TREM2: variants seen among roughly 807,000 people sequenced by gnomAD.
TREM2 encodes triggering receptor expressed on myeloid cells 2.
TREM2 carries 20 observed loss-of-function variants against 22.9 expected under a neutral mutation model. That is an observed-to-expected ratio of 0.87 (90% confidence interval 0.61 to 1.27). The LOEUF (loss-of-function observed/expected upper bound fraction) is 1.27, where lower values mean the gene tolerates loss of function less well. Ranked by LOEUF, TREM2 falls within the 50% of genes most tolerant of loss-of-function variation. The pLI is 0.00. For missense variants in TREM2, 267 were observed against 289.0 expected, an observed-to-expected ratio of 0.92 and a Z score of 0.55; for synonymous variants, 111 against 120.9, an observed-to-expected ratio of 0.92 and a Z score of 0.54.
chr6:41,158,899 G>C lies in TREM2; in HGVS notation c.650C>G (p.Pro217Arg), dbSNP rs1765486620. ...TGGCAGAGTTTGGAGCTGATACCCT[G>C]GGTCATGGCCACAGTCCAGTTCACT... is the stretch of plus-strand genomic sequence containing the variant. ...PPSELDCGHDPGYQLQTLPGL... is the reference protein window; with the variant it reads ...PPSELDCGHDRGYQLQTLPGL... The change falls in exon 4 of 5, where the codon CCA (proline) becomes CGA (arginine). Residue 217 changes from proline (P) to arginine (R), a missense_variant. Physicochemically the swap from Pro to Arg is moderately radical, Grantham distance 103 (BLOSUM62 -2). Coordinates refer to ENST00000373113, the MANE Select transcript of TREM2 (RefSeq NM_018965.4). 2.5e-6 allele frequency: 4 copies of C among 1,614,196 alleles called. No individual in the cohort carries two copies. The African/African-American group carries it at 5.3e-5, about 22-fold the overall frequency.
chr6:41,160,839 G>A (rs1046188410), intron 2 of TREM2, among the ~76,000 whole-genome samples: 7 of 152,308 alleles, frequency 4.6e-5, no homozygotes, highest in Admixed American at 3.3e-4. Context: ...CTTCACTTAC[G>A]TTGATAGGGC....
intron 2 of TREM2, among the ~76,000 whole-genome samples, chr6:41,160,333 GT>G (rs1452068115): frequency 2.0e-5 from 3 of 152,118 alleles, no homozygotes; most frequent in Non-Finnish European, 4.4e-5. Flanking sequence ...TGGAGGTGGG[GT>G]TTGTGTCTAT....
intron 2 of TREM2, among the ~76,000 whole-genome samples, chr6:41,160,168 G>T (rs112455001): frequency 2.1e-3 from 313 of 152,282 alleles, no homozygotes; most frequent in African/African-American, 7.1e-3. Flanking sequence ...CCGCACAGGG[G>T]CTAAGAAGAG....
rs777536241 is a variant in TREM2 at position 41,159,866 on chromosome 6, C to A, written c.408G>T (p.Arg136=). 4 of 1,613,956 alleles carry A rather than the reference C, an allele frequency of 2.5e-6. No individual in the cohort carries two copies. The highest frequency in any genetic ancestry group is 1.6e-4 in the Middle Eastern group (1 of 6,062). Residue 136 remains arginine, a synonymous_variant, in exon 3 of 5, where the codon CGG becomes CGT. Transcript: ENST00000373113. ...VEVLADPLDH[R]DAGDLWFPGE... ...CGGGGAACCAGAGATCTCCAGCATC[C>A]CGGTGATCCAGGGGGTCTATGGGAG...
Position 41,161,498 on chromosome 6 carries a change from G to T in TREM2, c.156C>A (p.Arg52=). The part of the protein sequence containing the change: ...KHWGRRKAWC[R]QLGEKGPCQR... Reference sequence around the variant, plus strand: ...GGCATGGGCCCTTCTCTCCCAGCTGGCGGCACCAGGCCTTGCGCCTCCCCC... The same window carrying T: ...GGCATGGGCCCTTCTCTCCCAGCTGTCGGCACCAGGCCTTGCGCCTCCCCC... Residue 52 remains arginine, a synonymous_variant, in exon 2 of 5, where the codon CGC becomes CGA. Coordinates refer to ENST00000373113, the MANE Select transcript of TREM2 (RefSeq NM_018965.4). 6.2e-7 allele frequency: 1 copy of T among 1,614,188 alleles called. No individual in the cohort carries two copies. The highest frequency in any genetic ancestry group is 8.5e-7 in the Non-Finnish European group (1 of 1,180,038).
At position 41,161,269 on chromosome 6, in the gene TREM2, G is replaced by C; in HGVS notation, c.385C>G (p.Leu129Val). The C allele has an allele frequency of 6.2e-7, 1 of 1,613,780 alleles. No homozygotes were observed. The highest frequency in any genetic ancestry group is 1.7e-5 in the Admixed American group (1 of 59,998). The change falls in exon 2 of 5, where the codon CTG becomes GTG. Residue 129 changes from leucine to valine, a missense_variant. Leu to Val is a conservative substitution (Grantham distance 32). Coordinates refer to ENST00000373113, the MANE Select transcript of TREM2 (RefSeq NM_018965.4). ...DTLRKVLVEV[L>V]ADPLDHRDAG... ...GCAGCCACTGCCCACTCACCTGCCA[G>C]CACCTCCACCAGGACCTTCCTGAGG...
intron 1 of TREM2, 53 bp from the exon 2 acceptor site, chr6:41,161,666 C>G: frequency 6.7e-7 from 1 of 1,487,606 alleles, no homozygotes; most frequent in Non-Finnish European, 9.2e-7. Flanking sequence ...GCTTTGAACA[C>G]TTGCTCTGTG....
Position 41,160,772 on chromosome 6 carries a change from A to C in TREM2, c.391+491T>G, listed in dbSNP as rs553318919. Among the ~76,000 whole-genome samples the C allele has an allele frequency of 2.5e-4, 38 of 152,276 alleles. No homozygotes were observed. The East Asian group carries it at 5.4e-3, about 22-fold the overall frequency. ...ATGGAGGCCCAGAGAAGTGAAGCAC[A>C]TTGCCCAGCACAAGCAGTGTTCCTT... On this transcript the variant is annotated intron_variant, in intron 2 of 4. Transcript: ENST00000373113.
chr6:41,162,957 T>G (rs1250228297), intron 1 of TREM2, 86 bp downstream of exon 1: 26 of 1,588,880 alleles, frequency 1.6e-5, no homozygotes, highest in Non-Finnish European at 2.2e-5. Context: ...GCCTTCATAA[T>G]TCACCCCAGG....
chr6:41,161,621 G>A lies in TREM2; in HGVS notation c.41-8C>T. ...TGTGGGCTCCGGACAGCTCTGGGGAGGAGACATTCATTCACTCCTTTGTTT... is the reference window on the plus strand; with the variant it reads ...TGTGGGCTCCGGACAGCTCTGGGGAAGAGACATTCATTCACTCCTTTGTTT... On this transcript the variant is annotated splice_polypyrimidine_tract_variant and splice_region_variant and intron_variant, in intron 1 of 4. Coordinates refer to ENST00000373113, the MANE Select transcript of TREM2 (RefSeq NM_018965.4). 6.2e-7 allele frequency: 1 copy of A among 1,609,066 alleles called. No individual in the cohort carries two copies.
chr6:41,162,499 T>C (rs529383205), intron 1 of TREM2, among the ~76,000 whole-genome samples: 3 of 152,180 alleles, frequency 2.0e-5, no homozygotes, highest in Non-Finnish European at 2.9e-5. Context: ...GAAGAAGCAA[T>C]TGTGTACAAA....
At chr6:41,161,646 T>G in intron 1 of TREM2, 33 bp from the exon 2 acceptor site, 1 of 1,565,344 alleles carries the variant, frequency 6.4e-7, no homozygotes, top group Non-Finnish European at 8.7e-7. Flanking sequence ...CTCCTTTGTT[T>G]ACCAAATACG....
rs1332526817 is a variant in TREM2 at position 41,161,526 on chromosome 6, T to C, written c.128A>G (p.His43Arg). ...QVSCPYDSMK[H>R]WGRRKAWCRQ... is the part of the protein sequence containing the mutation. ...GCACCAGGCCTTGCGCCTCCCCCAG[T>C]GCTTCATGGAGTCATAGGGGCAAGA... The change falls in exon 2 of 5, where the codon CAC becomes CGC. Residue 43 changes from histidine to arginine, a missense_variant. His to Arg is a conservative substitution (Grantham distance 29, BLOSUM62 0). Transcript: ENST00000373113. 3.7e-6 allele frequency: 6 copies of C among 1,614,044 alleles called. No individual in the cohort carries two copies. The highest frequency in any genetic ancestry group is 5.1e-6 in the Non-Finnish European group (6 of 1,180,030).
chr6:41,161,440 G>A lies in TREM2; in HGVS notation c.214C>T (p.Leu72=). The A allele has an allele frequency of 6.2e-7, 1 of 1,614,018 alleles. No homozygotes were observed. The highest frequency in any genetic ancestry group is 1.3e-5 in the African/African-American group (1 of 75,072). Residue 72 remains leucine, a synonymous_variant, in exon 2 of 5, where the codon CTG becomes TTG. Transcript: ENST00000373113. Reference sequence around the variant, plus strand: ...CCATTCCACCTCCTCAGGAAGGACAGCAGCCACAAGTTGTGCGTGCTGACC... The same window carrying A: ...CCATTCCACCTCCTCAGGAAGGACAACAGCCACAAGTTGTGCGTGCTGACC... ...RVVSTHNLWL[L]SFLRRWNGST...
rs912186779 is a variant in TREM2 at position 41,158,640 on chromosome 6, T to A, written c.*124A>T. 1 of 1,596,568 alleles carries A rather than the reference T, an allele frequency of 6.3e-7. No homozygotes were observed. ...TGCTTCCAGGGTCCAGGAGAAGCAGTGTTCAGGCAGAGTAGTCTCTTGCCA... is the reference window on the plus strand; with the variant it reads ...TGCTTCCAGGGTCCAGGAGAAGCAGAGTTCAGGCAGAGTAGTCTCTTGCCA... On this transcript the variant is annotated 3_prime_UTR_variant, in exon 5 of 5. Coordinates refer to ENST00000373113, the MANE Select transcript of TREM2 (RefSeq NM_018965.4).
intron 2 of TREM2, among the ~76,000 whole-genome samples, chr6:41,160,655 C>A (rs1462558028): frequency 6.6e-6 from 1 of 152,124 alleles, no homozygotes; most frequent in Non-Finnish European, 1.5e-5. Context: ...ATGTCACACC[C>A]TGCCCCCAAC....
Position 41,162,434 on chromosome 6 carries a change from T to C in TREM2, c.40+609A>G, listed in dbSNP as rs138787606. 1.0e-3 allele frequency among the ~76,000 whole-genome samples: 158 copies of C among 152,310 alleles called. 1 individual carries two copies. Among genetic ancestry groups the C allele is most frequent in the Non-Finnish European group, 1.7e-3 (117 of 68,032 alleles). ...ACTCCATTTGGCACCGTCTCTCCTC[T>C]TGCCCAGGTTTGTCCAGTGCTCTGG... On this transcript the variant is annotated intron_variant, in intron 1 of 4. Transcript: ENST00000373113.
In TREM2 at chr6:41,158,663, C is replaced by G. The variant is rs1391283629; in HGVS notation, c.*101G>C. The G allele has an allele frequency of 1.2e-6, 2 of 1,610,356 alleles. No individual in the cohort carries two copies. The highest frequency in any genetic ancestry group is 4.5e-5 in the East Asian group (2 of 44,790). On this transcript the variant is annotated 3_prime_UTR_variant, in exon 5 of 5. Transcript: ENST00000373113. ...AGTGTTCAGGCAGAGTAGTCTCTTG[C>G]CAGAGCAGAACAAGGAGTCCTGGTG...
intron 1 of TREM2, 84 bp downstream of exon 1, chr6:41,162,959 C>T: frequency 6.3e-7 from 1 of 1,590,998 alleles, no homozygotes; most frequent in African/African-American, 1.3e-5. Flanking sequence ...CTTCATAATT[C>T]ACCCCAGGGC....
Sources: gnomAD v4.1 joint callset for allele counts (sites outside exome capture counted in the v4.1 genomes callset) on GRCh38, gnomAD v4.1.1 for gene constraint, MANE v1.5 for transcripts, NCBI Gene and HGNC (gene_info 2026-07-23, HGNC 2026-07-21) for gene names.